ARSG: variants seen among roughly 807,000 people sequenced by gnomAD.
ARSG encodes arylsulfatase G.
Under a neutral mutation model 50.5 loss-of-function variants are expected in ARSG, and 37 were observed. The ratio of observed to expected loss-of-function variants is 0.73; its 90% CI spans 0.56 to 0.96. The LOEUF (loss-of-function observed/expected upper bound fraction) is 0.96. Among genes scored for constraint, ARSG ranks in the 50% least tolerant of loss-of-function variants. ARSG has a pLI of 0.00. For missense variants in ARSG, 629 were observed against 675.3 expected, an observed-to-expected ratio of 0.93 and a Z score of 0.76; for synonymous variants, 225 against 254.6, an observed-to-expected ratio of 0.88 and a Z score of 1.11.
chr17:68,267,241 G>A (rs1386047163), intron 1 of ARSG: 2 of 152,158 alleles, frequency 1.3e-5, no homozygotes, highest in African/African-American at 4.8e-5. Context: ...ATATTAAATT[G>A]TATTGAACAT....
At chr17:68,427,058 G>T (rs1468847577), downstream of ARSG, 1 of 1,228,110 alleles carries the variant, frequency 8.1e-7, no homozygotes, top group Non-Finnish European at 1.2e-6. Flanking sequence ...GAAGGGGGAA[G>T]GGGAGGGAGC....
chr17:68,295,379 C>T (rs2076167612), intron 1 of ARSG, among the ~76,000 whole-genome samples: 1 of 152,036 alleles, frequency 6.6e-6, no homozygotes, highest in Non-Finnish European at 1.5e-5. Context: ...TCTGAAGTAA[C>T]TTTTACTTGA....
chr17:68,335,568 A>G (rs965111814), intron 2 of ARSG, among the ~76,000 whole-genome samples: 4 of 151,942 alleles, frequency 2.6e-5, no homozygotes, highest in Admixed American at 6.6e-5. Flanking sequence ...AAAAAAAAAA[A>G]AAGATATATG....
rs1317472078 is a variant in ARSG, at chr17:68,378,369, C to A, written c.983-6695C>A. 6.6e-6 allele frequency among the ~76,000 whole-genome samples: 1 copy of A among 152,236 alleles called. No homozygotes were observed. The highest frequency in any genetic ancestry group is 6.5e-5 in the Admixed American group (1 of 15,286). On this transcript the variant is annotated intron_variant, in intron 8 of 11. Transcript: ENST00000621439. This position sits in a 1 kb window ranked among gnomAD's most constrained non-coding sequence, Gnocchi z 4.4. ...CCCCTGTTCTCAGGGCCCCCAGGCCCCCCTGCTTGTCTTCCCTTTCCTTTC... is the reference window on the plus strand; with the variant it reads ...CCCCTGTTCTCAGGGCCCCCAGGCCACCCTGCTTGTCTTCCCTTTCCTTTC...
chr17:68,356,819 T>C lies in ARSG; in HGVS notation c.704+15T>C. On this transcript the variant is annotated intron_variant, in intron 6 of 11. Coordinates refer to ENST00000621439, the MANE Select transcript of ARSG (RefSeq NM_001267727.2). ...CAGCGTGCAAGGTGAGGAGTCTCCC[T>C]CCCTCCGCAGGGCCTCCCCCTGCCT... The C allele has an allele frequency of 6.2e-7, 1 of 1,613,898 alleles. No individual in the cohort carries two copies. The highest frequency in any genetic ancestry group is 1.7e-4 in the Middle Eastern group (1 of 5,986).
At chr17:68,428,469 G>C in the ARSG span, 1 of 204,952 alleles carries the variant, frequency 4.9e-6, no homozygotes, top group Non-Finnish European at 1.0e-5. Flanking sequence ...CTGGACTCAA[G>C]CCATCCACCC....
At chr17:68,291,173 A>G (rs570369169), upstream of ARSG, 1 of 152,000 alleles carries the variant, frequency 6.6e-6, no homozygotes, top group Admixed American at 6.5e-5. Flanking sequence ...GCTCGGTAAC[A>G]TGAGAAAAGG....
At chr17:68,428,667 CAG>C in the ARSG span, 2 of 592,672 alleles carry the variant, frequency 3.4e-6, no homozygotes, top group Admixed American at 2.9e-5. Flanking sequence ...GCACCTGACA[CAG>C]AGCCCGGTGC....
downstream of ARSG, chr17:68,426,996 G>T (rs2083237410): frequency 8.6e-6 from 6 of 694,818 alleles, no homozygotes; most frequent in South Asian, 1.1e-4. Context: ...CCACCCCCAG[G>T]TAACAGTGAA....
At chr17:68,368,357 T>C (rs1311846711) in intron 6 of ARSG, among the ~76,000 whole-genome samples, 191 bp from the exon 7 acceptor site, 2 of 152,222 alleles carry the variant, frequency 1.3e-5, no homozygotes, top group Non-Finnish European at 2.9e-5. Flanking sequence ...GTTATTACAA[T>C]TCTCATTTTT....
intron 2 of ARSG, among the ~76,000 whole-genome samples, chr17:68,334,407 C>G (rs2077919720): frequency 6.6e-6 from 1 of 152,064 alleles, no homozygotes; most frequent in Non-Finnish European, 1.5e-5. Context: ...TTTGGTAGCA[C>G]CCCATTTATT....
intron 2 of ARSG, among the ~76,000 whole-genome samples, chr17:68,341,995 T>G (rs2078289560): frequency 6.6e-6 from 1 of 151,638 alleles, no homozygotes; most frequent in Non-Finnish European, 1.5e-5. Flanking sequence ...GATTTTTGTA[T>G]TTTTTGTGGA....
chr17:68,311,800 CTTTTT>C (rs36097952), intron 2 of ARSG, among the ~76,000 whole-genome samples: 3 of 116,374 alleles, frequency 2.6e-5, no homozygotes, highest in South Asian at 5.8e-4. Flanking sequence ...CTGTACTGTA[CTTTTT>C]TTTTTTTTTT....
At chr17:68,304,387 A>C (rs2076529927) in intron 1 of ARSG, among the ~76,000 whole-genome samples, 1 of 152,250 alleles carries the variant, frequency 6.6e-6, no homozygotes, top group East Asian at 1.9e-4. Flanking sequence ...GGGAAACAGA[A>C]GAATTTGCAT....
intron 6 of ARSG, among the ~76,000 whole-genome samples, chr17:68,360,948 C>T (rs2079254648): frequency 6.6e-6 from 1 of 152,132 alleles, no homozygotes; most frequent in African/African-American, 2.4e-5. Context: ...CCTCAGCCTC[C>T]CGAGTAGCTG....
chr17:68,283,287 G>C (rs1568416581), intron 1 of ARSG, among the ~76,000 whole-genome samples: 1 of 151,488 alleles, frequency 6.6e-6, no homozygotes, highest in Non-Finnish European at 1.5e-5. Flanking sequence ...TTGGGAGGCC[G>C]AGGCAGGCGA....
At chr17:68,314,659 A>T (rs192179352) in intron 2 of ARSG, among the ~76,000 whole-genome samples, 4 of 152,294 alleles carry the variant, frequency 2.6e-5, no homozygotes, top group African/African-American at 7.2e-5. Flanking sequence ...GTGAGCTATG[A>T]TCATGCCATT....
chr17:68,305,484 C>T (rs565275741), intron 1 of ARSG, among the ~76,000 whole-genome samples: 28 of 152,256 alleles, frequency 1.8e-4, no homozygotes, highest in African/African-American at 5.1e-4. Flanking sequence ...ACTGAATCTG[C>T]GGTTTAATCA....
rs890404270 is a variant in ARSG at position 68,402,555 on chromosome 17, C to T, written c.1303+1105C>T. On this transcript the variant is annotated intron_variant, in intron 11 of 11. Coordinates refer to ENST00000621439, the MANE Select transcript of ARSG (RefSeq NM_001267727.2). ...GTTTTTGTTTTTTGAGATGGAGTCT[C>T]GCTCTGTCACCCAGGCTGGAGTGCA... Among the ~76,000 whole-genome samples, 6 of 151,282 alleles carry T rather than the reference C, an allele frequency of 4.0e-5. No individual in the cohort carries two copies. In the East Asian group the frequency reaches 5.8e-4, roughly 15 times the overall value.
Sources: allele counts gnomAD v4.1 joint callset (sites outside exome capture counted in the v4.1 genomes callset), GRCh38; gene constraint gnomAD v4.1.1; non-coding constraint Gnocchi (gnomAD v3.1); transcripts MANE v1.5; gene names NCBI Gene and HGNC (gene_info 2026-07-23, HGNC 2026-07-21).